The following TMIGD3 variants were observed in gnomAD, a reference collection of about 807,000 sequenced individuals.
TMIGD3 encodes transmembrane and immunoglobulin domain containing 3.
TMIGD3 carries 21 observed loss-of-function variants against 28.1 expected under a neutral mutation model. The ratio of observed to expected loss-of-function variants is 0.75; its 90% CI spans 0.53 to 1.08. The LOEUF (loss-of-function observed/expected upper bound fraction) is 1.08. TMIGD3 is among the 50% of genes least tolerant of loss of function. The probability of loss-of-function intolerance (pLI) is 0.00; values close to 1 mark genes in which losing one functional copy is unlikely to be tolerated. For synonymous variants in TMIGD3, 151 were observed against 162.1 expected (o/e 0.93, Z 0.52); for missense variants, 416 against 435.6 (o/e 0.96, Z 0.40).
intron 1 of TMIGD3, among the ~76,000 whole-genome samples, chr1:111,551,745 G>T (rs1403924821): frequency 1.2e-5 from 1 of 84,244 alleles, no homozygotes; most frequent in Non-Finnish European, 3.0e-5. Flanking sequence ...TGTGGTTTTT[G>T]GTTTTGTTTT....
At chr1:111,498,673 A>C (rs1442611409) in intron 1 of TMIGD3, among the ~76,000 whole-genome samples, 4 of 152,356 alleles carry the variant, frequency 2.6e-5, no homozygotes, top group African/African-American at 9.6e-5. Flanking sequence ...CAAGTTACTT[A>C]ACTTCCCTGT....
chr1:111,561,599 A>G (rs552062658), intron 1 of TMIGD3, among the ~76,000 whole-genome samples: 2 of 152,328 alleles, frequency 1.3e-5, no homozygotes, highest in Admixed American at 1.3e-4. Context: ...GGTCAAACAC[A>G]GAGCAGAAGG....
intron 2 of TMIGD3, chr1:111,489,645 CT>C: frequency 1.8e-6 from 2 of 1,136,284 alleles, no homozygotes; most frequent in Non-Finnish European, 2.2e-6. Flanking sequence ...GACGGAGGGC[CT>C]TGAAGAGCCT....
chr1:111,506,913 T>TTATATA (rs3084253), upstream of TMIGD3, among the ~76,000 whole-genome samples: 11 of 121,908 alleles, frequency 9.0e-5, no homozygotes, highest in Admixed American at 1.5e-4. Flanking sequence ...TATATATATA[T>TTATATA]TATATATATA....
At chr1:111,487,816 T>A (rs1654456022) in intron 3 of TMIGD3, among the ~76,000 whole-genome samples, 1 of 152,158 alleles carries the variant, frequency 6.6e-6, no homozygotes, top group Non-Finnish European at 1.5e-5. Context: ...ATTATTATTA[T>A]TTTTTGAGAC....
chr1:111,497,596 A>T lies in TMIGD3; in HGVS notation c.350+5409T>A, dbSNP rs191701150. Among the ~76,000 whole-genome samples the T allele has an allele frequency of 1.8e-3, 280 of 152,308 alleles. 1 individual carries two copies. The Middle Eastern group carries it at 0.031, about 17-fold the overall frequency. On this transcript the variant is annotated intron_variant, in intron 1 of 5. Transcript: ENST00000369716. ...GATTCCCGTTAGACAAAGATAAAAA[A>T]CACAACTCCCAGCAAGCCATCAGTG... is the stretch of plus-strand genomic sequence containing the variant.
intron 1 of TMIGD3, among the ~76,000 whole-genome samples, chr1:111,513,170 T>C (rs939373186): frequency 6.6e-6 from 1 of 152,178 alleles, no homozygotes; most frequent in Admixed American, 6.5e-5. Context: ...TATCAAGAAC[T>C]AGAGTATTCA....
At chr1:111,506,892 C>CA (rs10653519), upstream of TMIGD3, among the ~76,000 whole-genome samples, 29 of 132,244 alleles carry the variant, frequency 2.2e-4, no homozygotes, top group Admixed American at 1.0e-3. Context: ...TTCTTAAAAA[C>CA]AAAAAATATA....
upstream of TMIGD3, among the ~76,000 whole-genome samples, chr1:111,505,686 C>T (rs931032354): frequency 1.3e-5 from 2 of 152,142 alleles, no homozygotes; most frequent in Admixed American, 6.5e-5. Flanking sequence ...CAGCCCATGG[C>T]GCACAGCCAC....
intron 1 of TMIGD3, among the ~76,000 whole-genome samples, chr1:111,525,826 T>G (rs935077677): frequency 3.3e-5 from 5 of 152,164 alleles, no homozygotes; most frequent in Admixed American, 6.5e-5. Context: ...ACTGCACCAC[T>G]GCACTCCAGC....
rs200671845 is a variant in TMIGD3 at position 111,492,565 on chromosome 1, C to CA, written c.351-1804dup. On this transcript the variant is annotated intron_variant, in intron 1 of 5. Transcript: ENST00000369716. ...GCACGGTGGCTCACGCCTGTAATCC[C>CA]AGCACTTTGGGAGGCTGAGGTGGGC... 9.3e-3 allele frequency among the ~76,000 whole-genome samples: 1,409 copies of CA among 152,158 alleles called. 27 individuals carry two copies. Among genetic ancestry groups the CA allele is most frequent in the African/African-American group, 0.033 (1,350 of 41,486 alleles).
chr1:111,529,970 C>T (rs1416247091), intron 1 of TMIGD3, among the ~76,000 whole-genome samples: 3 of 107,100 alleles, frequency 2.8e-5, no homozygotes, highest in Admixed American at 7.9e-5. Context: ...CCCTCACCTC[C>T]CGGATGGGGC....
chr1:111,510,621 C>T (rs973688153), intron 1 of TMIGD3, among the ~76,000 whole-genome samples: 3 of 152,030 alleles, frequency 2.0e-5, no homozygotes, highest in Non-Finnish European at 4.4e-5. Context: ...CCTTTGTGCC[C>T]CATATCATTC....
At chr1:111,513,449 A>G (rs984545245) in intron 1 of TMIGD3, among the ~76,000 whole-genome samples, 1 of 152,234 alleles carries the variant, frequency 6.6e-6, no homozygotes, top group Admixed American at 6.5e-5. Context: ...ACATCCTCTA[A>G]TCTTTCATTA....
chr1:111,514,643 A>AACAC (rs113195244), intron 1 of TMIGD3, among the ~76,000 whole-genome samples: 15,831 of 148,868 alleles, frequency 0.11, 847 homozygotes, highest in Middle Eastern at 0.21. Context: ...ACAGTATGGG[A>AACAC]ACACACACAC....
chr1:111,524,887 T>G (rs1656210884), intron 1 of TMIGD3, among the ~76,000 whole-genome samples: 1 of 152,256 alleles, frequency 6.6e-6, no homozygotes, highest in African/African-American at 2.4e-5. Flanking sequence ...CCCAAAGTGC[T>G]GGGATTACAG....
chr1:111,539,600 C>T (rs1656750730), intron 1 of TMIGD3, among the ~76,000 whole-genome samples: 1 of 152,090 alleles, frequency 6.6e-6, no homozygotes, highest in African/African-American at 2.4e-5. Flanking sequence ...CTGGCCTATG[C>T]TATTATATTT....
At chr1:111,563,197 C>G (rs1657812346) in intron 1 of TMIGD3, among the ~76,000 whole-genome samples, 1 of 152,012 alleles carries the variant, frequency 6.6e-6, no homozygotes, top group African/African-American at 2.4e-5. Context: ...ATCGATTTAG[C>G]CCAGGAGGTT....
rs115296294 is a variant in TMIGD3 at position 111,525,933 on chromosome 1, T to A, written c.108-35171A>T. 9.7e-3 allele frequency among the ~76,000 whole-genome samples: 1,476 copies of A among 152,306 alleles called. 26 individuals are homozygous for A. Among genetic ancestry groups the A allele is most frequent in the African/African-American group, 0.034 (1,414 of 41,564 alleles). On this transcript the variant is annotated intron_variant, in intron 1 of 5. Coordinates refer to the TMIGD3 transcript ENST00000369717. ...GTATAGAATTGATTTTTAATTTTTT[T>A]ATCTAATCTGATAATCTCTGCCTTT...
Sources: allele counts gnomAD v4.1 joint callset (sites outside exome capture counted in the v4.1 genomes callset), GRCh38; gene constraint gnomAD v4.1.1; transcripts MANE v1.5; gene names NCBI Gene and HGNC (gene_info 2026-07-23, HGNC 2026-07-21).